Variants in CHD9 observed in about 807,000 individuals in gnomAD.
CHD9 encodes the protein chromodomain helicase DNA binding protein 9.
A neutral mutation model predicts 316.1 loss-of-function variants in CHD9; 77 were observed. The ratio of observed to expected loss-of-function variants is 0.24; its 90% CI spans 0.20 to 0.29. The LOEUF (loss-of-function observed/expected upper bound fraction) is 0.29, where lower values mean the gene tolerates loss of function less well. Among genes scored for constraint, CHD9 ranks in the 10% least tolerant of loss-of-function variants. CHD9 has a pLI of 1.00. For missense variants in CHD9, 2,763 were observed against 3,438.1 expected (o/e 0.80, Z 4.91); for synonymous variants, 1,129 against 1,158.3 (o/e 0.97, Z 0.51).
At position 53,226,590 on chromosome 16, in the gene CHD9, A is replaced by C. The variant is rs909797851; in HGVS notation, c.2043+78A>C. 3.3e-6 allele frequency: 5 copies of C among 1,493,968 alleles called. No homozygotes were observed. The African/African-American group carries it at 5.8e-5, about 17-fold the overall frequency. The allele number at this position is 1,493,968 out of a possible 1,614,324, so 92.5% of individuals were successfully genotyped here. ...TATAAATACTTGCATTGTTTTTCCT[A>C]CTAAAAATTGCTCTAACTTATCCTT... On this transcript the variant is annotated intron_variant, in intron 5 of 38. Coordinates refer to ENST00000447540, the MANE Select transcript of CHD9 (RefSeq NM_001308319.2).
In CHD9 at chr16:53,226,406, C is replaced by T. The variant is rs1482794285; in HGVS notation, c.1937C>T (p.Ala646Val). 1.9e-6 allele frequency: 3 copies of T among 1,584,160 alleles called. No individual in the cohort carries two copies. The East Asian group carries it at 6.8e-5, about 36-fold the overall frequency. ...CGACAAATTAAAAGAAAAAAATACGCAGAAGATATAGAAGGGAAGCAATCT... is the reference window on the plus strand; with the variant it reads ...CGACAAATTAAAAGAAAAAAATACGTAGAAGATATAGAAGGGAAGCAATCT... ...SNRQIKRKKY[A>V]EDIEGKQSEE... The change falls in exon 5 of 39, where the codon GCA becomes GTA. Residue 646 changes from alanine to valine, a missense_variant. Physicochemically the swap from Ala to Val is moderately conservative, Grantham distance 64 (BLOSUM62 0). Around this residue, in one of 15 missense-constraint regions of CHD9, gnomAD observed 859 missense variants for 890.4 expected, o/e 0.96. Transcript: ENST00000447540.
At chr16:53,316,453 C>T (rs941393628) in intron 36 of CHD9, among the ~76,000 whole-genome samples, 5 of 152,090 alleles carry the variant, frequency 3.3e-5, no homozygotes, top group Non-Finnish European at 7.4e-5. Context: ...GCAAAAGGGC[C>T]TTTATTAACT....
At chr16:53,221,531 C>G (rs549073274) in intron 3 of CHD9, among the ~76,000 whole-genome samples, 2 of 151,976 alleles carry the variant, frequency 1.3e-5, no homozygotes, top group South Asian at 4.2e-4. Flanking sequence ...AAAATCATGC[C>G]CCTGCATCTG....
chr16:53,071,013 T>G (rs554271916), intron 1 of CHD9, among the ~76,000 whole-genome samples: 1 of 152,180 alleles, frequency 6.6e-6, no homozygotes, highest in Non-Finnish European at 1.5e-5. Context: ...TAGGGTGGAT[T>G]TTTCTATTTC....
intron 2 of CHD9, among the ~76,000 whole-genome samples, chr16:53,161,006 G>T (rs774639488): frequency 2.0e-5 from 3 of 152,176 alleles, no homozygotes; most frequent in Non-Finnish European, 4.4e-5. Flanking sequence ...GATGAGTTGA[G>T]CCTGAGAGTT....
intron 38 of CHD9, among the ~76,000 whole-genome samples, chr16:53,321,891 A>G (rs1196572710): frequency 6.6e-6 from 1 of 152,146 alleles, no homozygotes; most frequent in African/African-American, 2.4e-5. Context: ...CAAATATATG[A>G]GCAAATATGT....
At chr16:53,219,148 C>G (rs2047014990) in intron 3 of CHD9, among the ~76,000 whole-genome samples, 1 of 152,136 alleles carries the variant, frequency 6.6e-6, no homozygotes, top group Non-Finnish European at 1.5e-5. Flanking sequence ...TACGTTTGCA[C>G]TTTTCTGACT....
chr16:53,259,416 A>G (rs909602853), intron 19 of CHD9, among the ~76,000 whole-genome samples: 4 of 152,132 alleles, frequency 2.6e-5, no homozygotes, highest in African/African-American at 9.7e-5. Flanking sequence ...TTTTAGGTAA[A>G]CAACCAAAAA....
chr16:53,114,336 C>T (rs1339537081), intron 1 of CHD9, among the ~76,000 whole-genome samples: 1 of 152,044 alleles, frequency 6.6e-6, no homozygotes, highest in African/African-American at 2.4e-5. Context: ...TGGCTCACTG[C>T]AACCTCTGCC....
intron 20 of CHD9, among the ~76,000 whole-genome samples, chr16:53,265,555 G>GA (rs1477657623): frequency 5.3e-5 from 8 of 152,244 alleles, no homozygotes; most frequent in African/African-American, 1.9e-4. Context: ...TAGTGCTAAA[G>GA]AAAGATGATT....
At chr16:53,118,541 T>G (rs17374115) in intron 1 of CHD9, among the ~76,000 whole-genome samples, 41,299 of 152,080 alleles carry the variant, frequency 0.27, 7,063 homozygotes, top group Non-Finnish European at 0.38. Context: ...GGCAAAATGT[T>G]CTCTAAGATC....
chr16:53,303,182 G>GT (rs375440655), intron 30 of CHD9, among the ~76,000 whole-genome samples: 40,135 of 133,712 alleles, frequency 0.3, 5,685 homozygotes, highest in Middle Eastern at 0.4. Context: ...AATATTATGA[G>GT]TTTTTTTTTT....
chr16:53,067,088 G>T (rs777704015), intron 1 of CHD9, among the ~76,000 whole-genome samples: 1 of 152,034 alleles, frequency 6.6e-6, no homozygotes, highest in African/African-American at 2.4e-5. Context: ...GACTACAGGC[G>T]CACACCACTA....
Position 53,165,397 on chromosome 16 carries a change from A to G in CHD9, c.1452+7856A>G, listed in dbSNP as rs191597518. 8.5e-5 allele frequency among the ~76,000 whole-genome samples: 13 copies of G among 152,332 alleles called. No individual in the cohort carries two copies. In the East Asian group the frequency reaches 2.5e-3, roughly 29 times the overall value. The stretch of plus-strand genomic sequence containing the variant: ...AGGAAATTATTTGTTATAGATGAAT[A>G]AATTTTCCAGATAGATGGAATATAT... On this transcript the variant is annotated intron_variant, in intron 2 of 38. Transcript: ENST00000447540.
chr16:53,196,190 A>G (rs961311578), intron 2 of CHD9, among the ~76,000 whole-genome samples: 7 of 152,156 alleles, frequency 4.6e-5, no homozygotes, highest in African/African-American at 1.7e-4. Flanking sequence ...CCATGCTCTC[A>G]TCTGCATGTG....
chr16:53,217,956 CTTT>C (rs1007751418), intron 3 of CHD9, among the ~76,000 whole-genome samples: 2 of 115,748 alleles, frequency 1.7e-5, no homozygotes, highest in African/African-American at 7.7e-5. Context: ...TTCTTTCTTT[CTTT>C]TTTTTTTTAA....
chr16:53,324,135 C>A lies in CHD9; in HGVS notation c.7934C>A (p.Ala2645Glu). 6.2e-7 allele frequency: 1 copy of A among 1,613,986 alleles called. No homozygotes were observed. The highest frequency in any genetic ancestry group is 8.5e-7 in the Non-Finnish European group (1 of 1,179,872). The stretch of plus-strand genomic sequence containing the variant: ...GGAATTGCAAAGGCCACAGCAGCAG[C>A]AGCTGCTGCATCTGCCACCAGTGTT... ...KSGIAKATAA[A>E]AAASATSVSG... is the part of the protein sequence containing the mutation. Residue 2645 changes from alanine (A) to glutamate (E), a missense_variant, in exon 39 of 39, where the codon GCA becomes GAA. Ala to Glu is a moderately radical substitution (Grantham distance 107). This residue lies in a region of CHD9 where 298 missense variants were observed against 380.2 expected (regional missense o/e 0.78). Coordinates refer to ENST00000447540, the MANE Select transcript of CHD9 (RefSeq NM_001308319.2).
At chr16:53,117,635 C>G (rs1034843453) in intron 1 of CHD9, among the ~76,000 whole-genome samples, 5 of 151,740 alleles carry the variant, frequency 3.3e-5, no homozygotes, top group Admixed American at 1.3e-4. Context: ...AGGCTGGTCT[C>G]GAACTCCCGA....
intron 1 of CHD9, among the ~76,000 whole-genome samples, chr16:53,146,688 A>C (rs1305743240): frequency 6.6e-6 from 1 of 151,036 alleles, no homozygotes; most frequent in Non-Finnish European, 1.5e-5. Context: ...AATCCCAGCT[A>C]CTTGGGAGGC....
Sources: allele counts gnomAD v4.1 joint callset (sites outside exome capture counted in the v4.1 genomes callset), GRCh38; gene constraint gnomAD v4.1.1; regional missense constraint gnomAD v4.1.1; transcripts MANE v1.5; gene names NCBI Gene and HGNC (gene_info 2026-07-23, HGNC 2026-07-21).